LINC00237: variants seen among roughly 807,000 people sequenced by gnomAD.
The protein encoded by LINC00237 is long intergenic non-protein coding RNA 237.
chr20:21,095,554 A>G (rs1431718434), intron 1 of LINC00237, among the ~76,000 whole-genome samples: 2 of 152,228 alleles, frequency 1.3e-5, no homozygotes, highest in African/African-American at 4.8e-5. Flanking sequence ...AATGAGAATG[A>G]GCACATATGG....
chr20:21,097,155 A>G (rs1190246680), intron 1 of LINC00237, among the ~76,000 whole-genome samples: 2 of 152,226 alleles, frequency 1.3e-5, no homozygotes, highest in African/African-American at 4.8e-5. Flanking sequence ...AATTATCCAC[A>G]GGCCGACAAA....
chr20:21,096,449 C>T (rs2030859505), intron 1 of LINC00237, among the ~76,000 whole-genome samples: 1 of 152,180 alleles, frequency 6.6e-6, no homozygotes, highest in Non-Finnish European at 1.5e-5. Flanking sequence ...AATGTTTAGT[C>T]ACATGGTCCT....
intron 2 of LINC00237, chr20:21,092,864 GT>G (rs1389999738): frequency 6.6e-6 from 1 of 152,196 alleles, no homozygotes; most frequent in African/African-American, 2.4e-5. Flanking sequence ...TTTCTAGAAA[GT>G]TAGCATACAT....
At chr20:21,099,300 T>G (rs2030899556) in intron 1 of LINC00237, among the ~76,000 whole-genome samples, 1 of 152,010 alleles carries the variant, frequency 6.6e-6, no homozygotes, top group South Asian at 2.1e-4. Flanking sequence ...GTAAACGCAA[T>G]TTATTTTTAT....
intron 2 of LINC00237, among the ~76,000 whole-genome samples, chr20:21,089,529 G>C (rs1057112748): frequency 2.6e-5 from 4 of 152,048 alleles, no homozygotes; most frequent in Admixed American, 2.6e-4. Context: ...TCTTCTCTTC[G>C]CTGGGCTCGT....
intron 1 of LINC00237, among the ~76,000 whole-genome samples, chr20:21,102,696 GAAAA>G (rs34351894): frequency 7.6e-6 from 1 of 130,872 alleles, no homozygotes. Context: ...TATTTTATAA[GAAAA>G]AAAAAAAAAA....
At chr20:21,100,198 ATGCCC>A (rs2030911336) in intron 1 of LINC00237, among the ~76,000 whole-genome samples, 1 of 152,000 alleles carries the variant, frequency 6.6e-6, no homozygotes, top group Non-Finnish European at 1.5e-5. Flanking sequence ...GTTTTTAGGG[ATGCCC>A]GTAGAGGATA....
At chr20:21,087,520 C>A in intron 3 of LINC00237, 1 of 152,144 alleles carries the variant, frequency 6.6e-6, no homozygotes, top group East Asian at 1.9e-4. Context: ...CCTCCAAAAA[C>A]ATCATCCCAG....
intron 1 of LINC00237, among the ~76,000 whole-genome samples, chr20:21,095,705 C>T (rs1046601087): frequency 2.0e-5 from 3 of 152,166 alleles, no homozygotes; most frequent in African/African-American, 4.8e-5. Flanking sequence ...CCATGTGATG[C>T]CCTCCATAGG....
intron 1 of LINC00237, among the ~76,000 whole-genome samples, chr20:21,103,531 G>A (rs1295226009): frequency 6.6e-6 from 1 of 152,192 alleles, no homozygotes; most frequent in Admixed American, 6.5e-5. Flanking sequence ...TAAGAAGCTG[G>A]CAATTTGAAC....
At chr20:21,094,862 C>T (rs2030836324) in intron 1 of LINC00237, among the ~76,000 whole-genome samples, 1 of 152,146 alleles carries the variant, frequency 6.6e-6, no homozygotes, top group Non-Finnish European at 1.5e-5. Context: ...CCAGCCTGGC[C>T]AATGTGGCAA....
chr20:21,103,057 A>C (rs1183641052), intron 1 of LINC00237, among the ~76,000 whole-genome samples: 1 of 152,202 alleles, frequency 6.6e-6, no homozygotes, highest in Non-Finnish European at 1.5e-5. Flanking sequence ...ATTGGTGTGC[A>C]GAGTGTAGCG....
At chr20:21,092,874 A>T (rs996386206) in intron 2 of LINC00237, 1 of 152,248 alleles carries the variant, frequency 6.6e-6, no homozygotes, top group Non-Finnish European at 1.5e-5. Context: ...GTTAGCATAC[A>T]TTAACTTATG....
intron 1 of LINC00237, among the ~76,000 whole-genome samples, chr20:21,096,660 C>T (rs2030862453): frequency 6.6e-6 from 1 of 152,284 alleles, no homozygotes; most frequent in South Asian, 2.1e-4. Flanking sequence ...TTACTCCCCT[C>T]ACTTGGATTC....
intron 1 of LINC00237, among the ~76,000 whole-genome samples, chr20:21,100,499 CT>C (rs1370674364): frequency 6.6e-6 from 1 of 152,260 alleles, no homozygotes; most frequent in African/African-American, 2.4e-5. Context: ...TCCTCCACCG[CT>C]GCCTACAAGG....
chr20:21,088,209 G>A (rs569574388), intron 2 of LINC00237, among the ~76,000 whole-genome samples: 5 of 152,200 alleles, frequency 3.3e-5, no homozygotes, highest in East Asian at 1.9e-4. Context: ...CTATAGGACC[G>A]TGAATAAAGG....
At chr20:21,086,161 G>C (rs1340966698) in intron 3 of LINC00237, among the ~76,000 whole-genome samples, 2 of 152,180 alleles carry the variant, frequency 1.3e-5, no homozygotes, top group Non-Finnish European at 2.9e-5. Context: ...CTCAGACAGA[G>C]ACCCATCTCT....
At chr20:21,092,240 G>C (rs1399213413) in intron 2 of LINC00237, among the ~76,000 whole-genome samples, 2 of 152,114 alleles carry the variant, frequency 1.3e-5, no homozygotes, top group Admixed American at 1.3e-4. Context: ...TTATTTCGGG[G>C]GGTACTATTG....
At chr20:21,104,609 C>T (rs546023393) in intron 1 of LINC00237, among the ~76,000 whole-genome samples, 3 of 152,258 alleles carry the variant, frequency 2.0e-5, no homozygotes, top group South Asian at 4.1e-4. Context: ...GAGCACTTCT[C>T]CTCTGCCCCC....
Sources: allele counts gnomAD v4.1 joint callset (sites outside exome capture counted in the v4.1 genomes callset), GRCh38; gene constraint gnomAD v4.1.1; transcripts MANE v1.5; gene names NCBI Gene and HGNC (gene_info 2026-07-23, HGNC 2026-07-21).